The following SC5D variants were observed in gnomAD, a reference collection of about 807,000 sequenced individuals.
SC5D encodes the protein sterol-C5-desaturase.
In SC5D, 21 loss-of-function variants were observed where a neutral mutation model predicts 23.9. That is an observed-to-expected ratio of 0.88 (90% CI 0.62 to 1.26). The LOEUF is 1.26. Ranked by LOEUF, SC5D falls within the 50% of genes most tolerant of loss-of-function variation. The pLI is 0.00. For synonymous variants in SC5D, 113 were observed against 125.9 expected (o/e 0.90, Z 0.68); for missense variants, 309 against 364.8 (o/e 0.85, Z 1.25).
intron 1 of SC5D, among the ~76,000 whole-genome samples, chr11:121,301,693 G>C (rs1484389515): frequency 1.3e-5 from 2 of 152,096 alleles, no homozygotes; most frequent in East Asian, 3.8e-4. Flanking sequence ...TGATTGCATA[G>C]CTCTGAGAAT....
At position 121,300,033 on chromosome 11, in the gene SC5D, TTAAG is replaced by T. The variant is rs1234711080; in HGVS notation, c.-10-3328_-10-3325del. Among the ~76,000 whole-genome samples the T allele has an allele frequency of 2.0e-5, 3 of 152,180 alleles. No homozygotes were observed. The East Asian group carries it at 5.8e-4, about 29-fold the overall frequency. ...GAAATAACATCTGATGCCAAATGTT[TTAAG>T]TAAGAATGGTAGTAGACCTGTATTA... On this transcript the variant is annotated intron_variant, in intron 1 of 4. Coordinates refer to ENST00000264027, the MANE Select transcript of SC5D (RefSeq NM_006918.5).
intron 1 of SC5D, among the ~76,000 whole-genome samples, chr11:121,297,069 A>G (rs1947894594): frequency 6.6e-6 from 1 of 152,244 alleles, no homozygotes; most frequent in Non-Finnish European, 1.5e-5. Flanking sequence ...TTTCTTGATG[A>G]ATATGTGAAA....
At chr11:121,306,856 A>G in intron 4 of SC5D, 1 of 660,158 alleles carries the variant, frequency 1.5e-6, no homozygotes, top group South Asian at 1.7e-5. Context: ...CAGTATATCC[A>G]TGGAACACCA....
intron 3 of SC5D, chr11:121,306,115 A>C (rs890394848): frequency 4.8e-6 from 2 of 418,166 alleles, no homozygotes; most frequent in African/African-American, 4.0e-5. Context: ...AAGATGTCTT[A>C]GGAGTATCCT....
rs770791777 is a variant in SC5D at position 121,307,312 on chromosome 11, A to G, written c.700A>G (p.Met234Val). 4 of 1,614,114 alleles carry G rather than the reference A, an allele frequency of 2.5e-6. No individual in the cohort carries two copies. In the East Asian group the frequency reaches 8.9e-5, roughly 36 times the overall value. The change falls in exon 5 of 5, where the codon ATG becomes GTG. Residue 234 changes from methionine to valine, a missense_variant. Physicochemically the swap from Met to Val is conservative, Grantham distance 21. Transcript: ENST00000264027. The part of the protein sequence containing the change: ...NGSAHHTDHH[M>V]FFDYNYGQYF... ...CTCAGCTCATCATACAGACCACCAT[A>G]TGTTCTTTGACTATAATTATGGACA... is the stretch of plus-strand genomic sequence containing the variant.
rs1483074659 is a variant in SC5D, at chr11:121,309,808, CAG to C, written c.*2300_*2301del. ...TCTCCTACTTTCTATTAGAGGAAGTCAGAGAATATTTATGGAAGTGAGGACCC... is the reference window on the plus strand; with the variant it reads ...TCTCCTACTTTCTATTAGAGGAAGTCAGAATATTTATGGAAGTGAGGACCC... On this transcript the variant is annotated 3_prime_UTR_variant, in exon 5 of 5. Transcript: ENST00000264027. 6.6e-6 allele frequency among the ~76,000 whole-genome samples: 1 copy of C among 152,168 alleles called. No individual in the cohort carries two copies. The highest frequency in any genetic ancestry group is 1.5e-5 in the Non-Finnish European group (1 of 68,042).
chr11:121,296,060 G>A (rs1444264651), intron 1 of SC5D, among the ~76,000 whole-genome samples: 1 of 151,926 alleles, frequency 6.6e-6, no homozygotes, highest in African/African-American at 2.4e-5. Context: ...TTATAGTGAC[G>A]GAGTCTTGCC....
At chr11:121,304,677 T>C in intron 3 of SC5D, 184 bp downstream of exon 3, 1 of 575,674 alleles carries the variant, frequency 1.7e-6, no homozygotes, top group Admixed American at 3.0e-5. Context: ...AGTTTTTCTA[T>C]CAATCTGAAA....
intron 1 of SC5D, among the ~76,000 whole-genome samples, chr11:121,298,804 C>T (rs1307824559): frequency 2.6e-5 from 4 of 151,940 alleles, no homozygotes; most frequent in Admixed American, 6.6e-5. Context: ...AGGCTGAGTC[C>T]GAAAAGAGAG....
intron 4 of SC5D, chr11:121,306,803 C>T: frequency 1.6e-6 from 1 of 623,512 alleles, no homozygotes; most frequent in Non-Finnish European, 2.9e-6. Context: ...AATGTGCACT[C>T]TTCAGGTGCT....
intron 1 of SC5D, among the ~76,000 whole-genome samples, chr11:121,299,044 C>A (rs1591502234): frequency 6.6e-6 from 1 of 152,160 alleles, no homozygotes; most frequent in African/African-American, 2.4e-5. Flanking sequence ...TGTATACGTG[C>A]AGACTTGGGC....
chr11:121,303,620 A>G (rs894386692), intron 2 of SC5D, 35 bp downstream of exon 2: 5 of 1,448,130 alleles, frequency 3.5e-6, no homozygotes, highest in East Asian at 2.3e-5. Flanking sequence ...CTAACGATTA[A>G]AGTAAAAATA....
intron 1 of SC5D, among the ~76,000 whole-genome samples, chr11:121,295,534 G>T (rs1220102182): frequency 6.6e-6 from 1 of 152,162 alleles, no homozygotes; most frequent in Non-Finnish European, 1.5e-5. Flanking sequence ...TTTGAGTCCT[G>T]TCTGTCCTTT....
intron 3 of SC5D, chr11:121,306,087 C>T: frequency 2.9e-6 from 1 of 339,816 alleles, no homozygotes; most frequent in Non-Finnish European, 5.5e-6. Flanking sequence ...GTGATGATTC[C>T]CAGAGATTTA....
chr11:121,300,008 G>A (rs753421927), intron 1 of SC5D, among the ~76,000 whole-genome samples: 3 of 152,168 alleles, frequency 2.0e-5, no homozygotes, highest in Non-Finnish European at 2.9e-5. Context: ...TTTGAATTCC[G>A]AAATAACATC....
chr11:121,297,642 C>T (rs1017381239), intron 1 of SC5D, among the ~76,000 whole-genome samples: 2 of 151,976 alleles, frequency 1.3e-5, no homozygotes, highest in Admixed American at 1.3e-4. Flanking sequence ...AAAAACAGAT[C>T]GTGGACGTTT....
intron 3 of SC5D, chr11:121,305,651 T>TG (rs1947958478): frequency 6.7e-6 from 1 of 150,012 alleles, no homozygotes; most frequent in African/African-American, 2.5e-5. Context: ...CCCTTGAACC[T>TG]GGGAGGCAGA....
Position 121,312,772 on chromosome 11 carries a change from A to G in SC5D, c.*5260A>G, listed in dbSNP as rs565484939. Among the ~76,000 whole-genome samples the G allele has an allele frequency of 1.3e-5, 2 of 152,132 alleles. No individual in the cohort carries two copies. The highest frequency in any genetic ancestry group is 2.9e-5 in the Non-Finnish European group (2 of 67,968). On this transcript the variant is annotated 3_prime_UTR_variant, in exon 5 of 5. Transcript: ENST00000264027. ...TAAAAAAGTATATATATATAAAAATATCTTCCTCTATTATAATTTAACTCA... is the reference window on the plus strand; with the variant it reads ...TAAAAAAGTATATATATATAAAAATGTCTTCCTCTATTATAATTTAACTCA...
chr11:121,305,938 C>T (rs1040232392), intron 3 of SC5D: 1 of 193,562 alleles, frequency 5.2e-6, no homozygotes, highest in Admixed American at 5.4e-5. Flanking sequence ...AGTAGAAATA[C>T]AGGAGTGATG....
Sources: allele counts gnomAD v4.1 joint callset (sites outside exome capture counted in the v4.1 genomes callset), GRCh38; gene constraint gnomAD v4.1.1; transcripts MANE v1.5; gene names NCBI Gene and HGNC (gene_info 2026-07-23, HGNC 2026-07-21).